Variants in UBE2E2 observed in about 807,000 individuals in gnomAD.
The protein encoded by UBE2E2 is ubiquitin-conjugating enzyme E2 E2.
UBE2E2 carries 6 observed loss-of-function variants against 24.7 expected under a neutral mutation model. The ratio of observed to expected loss-of-function variants is 0.24; its 90% CI spans 0.13 to 0.48. The LOEUF (loss-of-function observed/expected upper bound fraction) is 0.48. Ranked by LOEUF, UBE2E2 falls within the 20% of genes least tolerant of loss-of-function variation. The pLI is 0.99. For synonymous variants in UBE2E2, 104 were observed against 83.6 expected (o/e 1.24, Z -1.33); for missense variants, 169 against 245.0 (o/e 0.69, Z 2.07).
rs891432917 is a variant in UBE2E2 at position 23,589,648 on chromosome 3, A to G, written c.509-86A>G. The G allele has an allele frequency of 6.5e-6, 9 of 1,381,218 alleles. No homozygotes were observed. The highest frequency in any genetic ancestry group is 1.4e-5 in the African/African-American group (1 of 70,218). 85.6% of individuals were successfully genotyped at this position (1,381,218 alleles called of 1,614,324 possible). A position where few individuals can be genotyped will look rare whatever the true frequency, so the allele number is the denominator to read the frequency against. Reference sequence around the variant, plus strand: ...TTAGAACAGCAGCTTCTCATCTCCTACCCTCCCACTCCTTGCCAGCTTTCT... The same window carrying G: ...TTAGAACAGCAGCTTCTCATCTCCTGCCCTCCCACTCCTTGCCAGCTTTCT... On this transcript the variant is annotated intron_variant, in intron 5 of 5. Transcript: ENST00000396703. This position sits in a 1 kb window ranked among gnomAD's most constrained non-coding sequence, Gnocchi z 4.1.
chr3:23,479,978 G>C (rs1699222404), intron 3 of UBE2E2, among the ~76,000 whole-genome samples: 1 of 152,212 alleles, frequency 6.6e-6, no homozygotes, highest in Non-Finnish European at 1.5e-5. Flanking sequence ...TGCAGACTTT[G>C]CTCAGAACTG....
chr3:23,337,502 AATTGTC>A (rs1240616782), intron 3 of UBE2E2, among the ~76,000 whole-genome samples: 2 of 152,152 alleles, frequency 1.3e-5, no homozygotes, highest in Non-Finnish European at 2.9e-5. Context: ...GTTTAGCACA[AATTGTC>A]ATTGAGAGAT....
intron 3 of UBE2E2, among the ~76,000 whole-genome samples, chr3:23,362,195 G>A (rs554739598): frequency 2.2e-4 from 33 of 152,210 alleles, no homozygotes; most frequent in Non-Finnish European, 3.7e-4. Context: ...GGCAGCAGGG[G>A]GACACAGAGA....
At chr3:23,544,109 T>C (rs1400743378) in intron 5 of UBE2E2, among the ~76,000 whole-genome samples, 2 of 152,192 alleles carry the variant, frequency 1.3e-5, no homozygotes, top group African/African-American at 4.8e-5. Context: ...ATAAAAATTC[T>C]GGAAGAAAAC....
chr3:23,549,693 A>C (rs997285319), intron 5 of UBE2E2, among the ~76,000 whole-genome samples: 60 of 139,632 alleles, frequency 4.3e-4, no homozygotes, highest in African/African-American at 1.7e-3. Flanking sequence ...CTGAAAGTCC[A>C]TATTAGCTGT....
intron 3 of UBE2E2, among the ~76,000 whole-genome samples, chr3:23,300,652 A>G (rs542227161): frequency 3.3e-4 from 50 of 152,182 alleles, no homozygotes; most frequent in African/African-American, 1.1e-3. Context: ...CCGAGAGATC[A>G]GCTGTTAGTC....
chr3:23,453,964 G>A (rs985015238), intron 3 of UBE2E2, among the ~76,000 whole-genome samples: 5 of 152,050 alleles, frequency 3.3e-5, no homozygotes, highest in African/African-American at 1.2e-4. Flanking sequence ...TAACTTAAAG[G>A]TATAGTTTTC....
At chr3:23,370,494 G>T (rs910310590) in intron 3 of UBE2E2, among the ~76,000 whole-genome samples, 39 of 152,164 alleles carry the variant, frequency 2.6e-4, no homozygotes, top group Admixed American at 2.6e-3. Context: ...ATGCCCTGTT[G>T]TTATATAGCC....
chr3:23,498,022 C>CA (rs1305371425), intron 3 of UBE2E2, among the ~76,000 whole-genome samples: 2 of 152,108 alleles, frequency 1.3e-5, no homozygotes, highest in African/African-American at 2.4e-5. Context: ...TTTTCAGTTT[C>CA]ATTTCCCCGA....
chr3:23,529,488 G>A (rs1160859317), intron 4 of UBE2E2, among the ~76,000 whole-genome samples: 1 of 152,198 alleles, frequency 6.6e-6, no homozygotes, highest in Non-Finnish European at 1.5e-5. Flanking sequence ...AGGCATTGAT[G>A]CTGAGAGACA....
chr3:23,338,874 A>C (rs1695290489), intron 3 of UBE2E2, among the ~76,000 whole-genome samples: 1 of 152,230 alleles, frequency 6.6e-6, no homozygotes, highest in African/African-American at 2.4e-5. Context: ...GGAAATTACC[A>C]TTTGAAAAGA....
At chr3:23,516,916 C>G (rs1694754807) in intron 4 of UBE2E2, among the ~76,000 whole-genome samples, 1 of 152,012 alleles carries the variant, frequency 6.6e-6, no homozygotes, top group South Asian at 2.1e-4. Context: ...ATGAACATGA[C>G]CACTTTACTA....
At chr3:23,262,352 C>A (rs1219048249) in intron 3 of UBE2E2, among the ~76,000 whole-genome samples, 1 of 152,082 alleles carries the variant, frequency 6.6e-6, no homozygotes, top group Non-Finnish European at 1.5e-5. Context: ...GCGATCATAG[C>A]CCATTGCAGC....
chr3:23,417,242 A>G (rs1697661455), intron 3 of UBE2E2, among the ~76,000 whole-genome samples: 1 of 151,944 alleles, frequency 6.6e-6, no homozygotes. Context: ...TTCTGTGTGG[A>G]CGTCCTTTTC....
At chr3:23,414,939 C>G (rs1339308755) in intron 3 of UBE2E2, among the ~76,000 whole-genome samples, 1 of 152,146 alleles carries the variant, frequency 6.6e-6, no homozygotes, top group Non-Finnish European at 1.5e-5. Flanking sequence ...TTATAAAGTA[C>G]CCAGTCTAAG....
At chr3:23,393,331 A>T (rs1696996760) in intron 3 of UBE2E2, among the ~76,000 whole-genome samples, 2 of 152,208 alleles carry the variant, frequency 1.3e-5, no homozygotes, top group African/African-American at 4.8e-5. Context: ...ATAAGTCAGG[A>T]AAGTGAGGGA....
At chr3:23,252,304 A>G (rs942169128) in intron 3 of UBE2E2, among the ~76,000 whole-genome samples, 2 of 152,204 alleles carry the variant, frequency 1.3e-5, no homozygotes, top group Non-Finnish European at 1.5e-5. Flanking sequence ...ATAATAAACT[A>G]TTCATTAGTT....
intron 3 of UBE2E2, among the ~76,000 whole-genome samples, chr3:23,355,669 C>T (rs1362500778): frequency 6.6e-6 from 1 of 152,124 alleles, no homozygotes; most frequent in East Asian, 1.9e-4. Flanking sequence ...TTTATACCTA[C>T]TGTGCTGGAA....
intron 3 of UBE2E2, among the ~76,000 whole-genome samples, chr3:23,321,258 A>C (rs1233123422): frequency 2.6e-5 from 4 of 152,192 alleles, no homozygotes; most frequent in Non-Finnish European, 4.4e-5. Flanking sequence ...TAGGACTTCA[A>C]CTTTTTTGGG....
Sources: allele counts gnomAD v4.1 joint callset (sites outside exome capture counted in the v4.1 genomes callset), GRCh38; gene constraint gnomAD v4.1.1; non-coding constraint Gnocchi (gnomAD v3.1); transcripts MANE v1.5; gene names NCBI Gene and HGNC (gene_info 2026-07-23, HGNC 2026-07-21).